The following ARHGAP19 variants were observed in gnomAD, a reference collection of about 807,000 sequenced individuals.
ARHGAP19 encodes rho GTPase-activating protein 19.
Under a neutral mutation model 60.9 loss-of-function variants are expected in ARHGAP19, and 48 were observed. The ratio of observed to expected loss-of-function variants is 0.79; its 90% CI spans 0.62 to 1.00. ARHGAP19 has a LOEUF of 1.00. Among genes scored for constraint, ARHGAP19 ranks in the 50% least tolerant of loss-of-function variants. ARHGAP19 has a pLI of 0.00. For missense variants in ARHGAP19, 562 were observed against 597.2 expected, an observed-to-expected ratio of 0.94 and a Z score of 0.61; for synonymous variants, 209 against 215.5, an observed-to-expected ratio of 0.97 and a Z score of 0.27.
intron 1 of ARHGAP19, among the ~76,000 whole-genome samples, chr10:97,285,671 G>A (rs1324572870): frequency 2.6e-5 from 4 of 151,784 alleles, no homozygotes; most frequent in East Asian, 1.9e-4. Context: ...ATAGGCAACC[G>A]CCACACACCC....
intron 8 of ARHGAP19, among the ~76,000 whole-genome samples, chr10:97,241,273 T>G: frequency 6.6e-6 from 1 of 151,094 alleles, no homozygotes; most frequent in African/African-American, 2.4e-5. Flanking sequence ...TGCAGTGAGC[T>G]GAGATTGAGC....
At chr10:97,245,776 TA>T (rs1336287180) in intron 7 of ARHGAP19, among the ~76,000 whole-genome samples, 1 of 152,140 alleles carries the variant, frequency 6.6e-6, no homozygotes, top group African/African-American at 2.4e-5. Flanking sequence ...TTCGTTCCTA[TA>T]AAATATGTAA....
intron 1 of ARHGAP19, among the ~76,000 whole-genome samples, chr10:97,274,170 GAA>G (rs967746615): frequency 4.6e-5 from 7 of 151,990 alleles, no homozygotes; most frequent in Admixed American, 3.9e-4. Flanking sequence ...ATGAAGGTAT[GAA>G]AGAGTTCCTG....
At chr10:97,239,745 T>G (rs1214324302) in intron 8 of ARHGAP19, among the ~76,000 whole-genome samples, 1 of 151,984 alleles carries the variant, frequency 6.6e-6, no homozygotes. Context: ...TTCACTCTTG[T>G]TGCCCAGGCT....
At chr10:97,228,396 G>T (rs1299055284) in intron 11 of ARHGAP19, among the ~76,000 whole-genome samples, 1 of 152,162 alleles carries the variant, frequency 6.6e-6, no homozygotes, top group Non-Finnish European at 1.5e-5. Flanking sequence ...ATGACAATGT[G>T]CTGCCAAAAC....
At chr10:97,287,212 A>T in intron 1 of ARHGAP19, among the ~76,000 whole-genome samples, 1 of 152,060 alleles carries the variant, frequency 6.6e-6, no homozygotes. Context: ...CCCCCTCCCA[A>T]AATACTGGGA....
intron 4 of ARHGAP19, among the ~76,000 whole-genome samples, chr10:97,261,014 T>C (rs563539407): frequency 6.8e-6 from 1 of 147,748 alleles, no homozygotes; most frequent in Non-Finnish European, 1.5e-5. Context: ...TCAGATATTT[T>C]ACAGCTAAAA....
At chr10:97,237,733 T>C (rs1842404200) in intron 8 of ARHGAP19, among the ~76,000 whole-genome samples, 4 of 151,906 alleles carry the variant, frequency 2.6e-5, no homozygotes, top group African/African-American at 9.7e-5. Flanking sequence ...TAGCTGGGCG[T>C]GGTGGTGGGC....
intron 11 of ARHGAP19, 125 bp from the exon 12 acceptor site, chr10:97,226,257 A>G: frequency 5.5e-6 from 5 of 911,358 alleles, no homozygotes; most frequent in South Asian, 3.2e-5. Flanking sequence ...AATGAGTTTA[A>G]TTAAGAATGT....
Position 97,264,452 on chromosome 10 carries a change from CAA to C in ARHGAP19, c.403+372_403+373del, listed in dbSNP as rs11327785. ...TGGGTGAGAGAACGAGACCTTGTCT[CAA>C]AAAAAAAAAAAAAGTAAAGAGTGTG... is the stretch of plus-strand genomic sequence containing the variant. On this transcript the variant is annotated intron_variant, in intron 3 of 11. Coordinates refer to ENST00000358531, the MANE Select transcript of ARHGAP19 (RefSeq NM_032900.6). Among the ~76,000 whole-genome samples the C allele has an allele frequency of 3.0e-3, 410 of 138,212 alleles. 1 individual carries two copies. The highest frequency in any genetic ancestry group is 3.7e-3 in the Non-Finnish European group (236 of 63,458). 90.7% of individuals were successfully genotyped at this position (138,212 alleles called of 152,430 possible).
At chr10:97,292,261 T>G (rs1284058914) in intron 1 of ARHGAP19, among the ~76,000 whole-genome samples, 4 of 152,174 alleles carry the variant, frequency 2.6e-5, no homozygotes, top group Non-Finnish European at 4.4e-5. Flanking sequence ...GCCCTGGACT[T>G]CCGTTTCCTC....
intron 9 of ARHGAP19, among the ~76,000 whole-genome samples, chr10:97,232,758 C>CAAA (rs565361873): frequency 6.9e-6 from 1 of 144,616 alleles, no homozygotes. Flanking sequence ...AGCTGTACCT[C>CAAA]AAAAAAAAAA....
At chr10:97,243,285 G>A (rs1842516249) in intron 8 of ARHGAP19, among the ~76,000 whole-genome samples, 1 of 152,188 alleles carries the variant, frequency 6.6e-6, no homozygotes, top group Non-Finnish European at 1.5e-5. Context: ...TAAAAGTCAA[G>A]AGGCTGACCC....
intron 9 of ARHGAP19, among the ~76,000 whole-genome samples, chr10:97,234,245 C>T (rs1171809595): frequency 6.6e-6 from 1 of 150,762 alleles, no homozygotes; most frequent in Non-Finnish European, 1.5e-5. Context: ...CCAGCCTGGG[C>T]GACAACAGCG....
At chr10:97,289,464 C>A (rs1469828235) in intron 1 of ARHGAP19, among the ~76,000 whole-genome samples, 1 of 151,988 alleles carries the variant, frequency 6.6e-6, no homozygotes, top group South Asian at 2.1e-4. Flanking sequence ...GGTTCAGGTA[C>A]GATTATGTGA....
chr10:97,262,532 G>GCGCGT (rs1589465405), intron 4 of ARHGAP19, among the ~76,000 whole-genome samples: 2 of 152,110 alleles, frequency 1.3e-5, no homozygotes, highest in Non-Finnish European at 2.9e-5. Context: ...AGGCGTGGTA[G>GCGCGT]CGCGTGCCTG....
rs562225573 is a variant in ARHGAP19 at position 97,264,440 on chromosome 10, G to A, written c.403+386C>T. On this transcript the variant is annotated intron_variant, in intron 3 of 11. Coordinates refer to ENST00000358531, the MANE Select transcript of ARHGAP19 (RefSeq NM_032900.6). Reference sequence around the variant, plus strand: ...TGCACCCCAGCCTGGGTGAGAGAACGAGACCTTGTCTCAAAAAAAAAAAAA... The same window carrying A: ...TGCACCCCAGCCTGGGTGAGAGAACAAGACCTTGTCTCAAAAAAAAAAAAA... Among the ~76,000 whole-genome samples the A allele has an allele frequency of 3.4e-5, 4 of 116,282 alleles. No individual in the cohort carries two copies. In the South Asian group the frequency reaches 9.2e-4, roughly 27 times the overall value. 76.3% of individuals were successfully genotyped at this position (116,282 alleles called of 152,430 possible). A position where few individuals can be genotyped will look rare whatever the true frequency, so the allele number is the denominator to read the frequency against.
chr10:97,251,327 G>A (rs1564717984), intron 6 of ARHGAP19, among the ~76,000 whole-genome samples: 3 of 50,342 alleles, frequency 6.0e-5, no homozygotes, highest in Non-Finnish European at 1.2e-4. Context: ...GAAGGGAAGG[G>A]GAAAGGGAAA....
intron 8 of ARHGAP19, among the ~76,000 whole-genome samples, chr10:97,242,982 T>C (rs1249403651): frequency 6.6e-6 from 1 of 152,218 alleles, no homozygotes; most frequent in Non-Finnish European, 1.5e-5. Context: ...GAAGTCATTA[T>C]ACCTGTCCTA....
Sources: gnomAD v4.1 joint callset for allele counts (sites outside exome capture counted in the v4.1 genomes callset) on GRCh38, gnomAD v4.1.1 for gene constraint, MANE v1.5 for transcripts, NCBI Gene and HGNC (gene_info 2026-07-23, HGNC 2026-07-21) for gene names.